ENPP2: variants seen among roughly 807,000 people sequenced by gnomAD.
The protein encoded by ENPP2 is autotaxin.
Under a neutral mutation model 120.2 loss-of-function variants are expected in ENPP2, and 51 were observed. The observed-to-expected ratio is 0.42, with a 90% CI of 0.34 to 0.54. The LOEUF (loss-of-function observed/expected upper bound fraction) is 0.54, where lower values mean the gene tolerates loss of function less well. ENPP2 is among the 20% of genes least tolerant of loss of function. The probability of loss-of-function intolerance (pLI) is 0.04; values close to 1 mark genes in which losing one functional copy is unlikely to be tolerated. For synonymous variants in ENPP2, 365 were observed against 366.4 expected, an observed-to-expected ratio of 1.00 and a Z score of 0.04; for missense variants, 920 against 1,066.5, an observed-to-expected ratio of 0.86 and a Z score of 1.91.
chr8:119,595,807 C>A (rs369250245), intron 11 of ENPP2: 6 of 1,607,708 alleles, frequency 3.7e-6, no homozygotes, highest in East Asian at 2.2e-5. Flanking sequence ...TCAACTCAGA[C>A]CTGCCCGCCA....
At position 119,591,631 on chromosome 8, in the gene ENPP2, T is replaced by C. The variant is rs184752909; in HGVS notation, c.1082-1001A>G. On this transcript the variant is annotated intron_variant, in intron 12 of 24. Transcript: ENST00000075322. Reference sequence around the variant, plus strand: ...TCCTGTAAAGGATGCCCAAAGGTTTTAAAATAAGGAAATACAACCCAGAGT... The same window carrying C: ...TCCTGTAAAGGATGCCCAAAGGTTTCAAAATAAGGAAATACAACCCAGAGT... Among the ~76,000 whole-genome samples, 581 of 152,224 alleles carry C rather than the reference T, an allele frequency of 3.8e-3. 1 individual carries two copies. The highest frequency in any genetic ancestry group is 0.014 in the African/African-American group (563 of 41,540).
chr8:119,635,278 C>A (rs995574932), intron 2 of ENPP2, among the ~76,000 whole-genome samples: 1 of 152,174 alleles, frequency 6.6e-6, no homozygotes, highest in Non-Finnish European at 1.5e-5. Context: ...ACATACTTTT[C>A]AACTTTCCTT....
intron 11 of ENPP2, among the ~76,000 whole-genome samples, chr8:119,598,498 T>C (rs1563715339): frequency 3.3e-5 from 5 of 152,218 alleles, no homozygotes. Flanking sequence ...GCATCCTGTA[T>C]GCCGCTTCAT....
intron 1 of ENPP2, among the ~76,000 whole-genome samples, chr8:119,647,804 A>G (rs1229541025): frequency 6.6e-6 from 1 of 152,140 alleles, no homozygotes; most frequent in Non-Finnish European, 1.5e-5. Flanking sequence ...CAGGAGATCG[A>G]TGCCGACCTG....
Position 119,631,173 on chromosome 8 carries a change from T to C in ENPP2, c.137-4453A>G, listed in dbSNP as rs368466787. 6.5e-3 allele frequency among the ~76,000 whole-genome samples: 868 copies of C among 134,152 alleles called. 8 individuals carry two copies. The highest frequency in any genetic ancestry group is 0.023 in the African/African-American group (826 of 35,510). The allele number at this position is 134,152 out of a possible 152,430, so 88.0% of individuals were successfully genotyped here. On this transcript the variant is annotated intron_variant, in intron 2 of 24. Transcript: ENST00000075322. ...CCTCCCAAAGTGCTGGGATTACAGG[T>C]GTGAGCCACTGCGCCCAGCCATGCT...
Position 119,626,799 on chromosome 8 carries a change from C to T in ENPP2, c.137-79G>A, listed in dbSNP as rs954124052. ...GGAAAGGTGGCACTGGGAAGCTGTGCGGTGTGATGCTGCAGTGGACTCTGG... is the reference window on the plus strand; with the variant it reads ...GGAAAGGTGGCACTGGGAAGCTGTGTGGTGTGATGCTGCAGTGGACTCTGG... On this transcript the variant is annotated intron_variant, in intron 2 of 24. Transcript: ENST00000075322. 64 of 1,299,304 alleles carry T rather than the reference C, an allele frequency of 4.9e-5. 1 individual carries two copies. The highest frequency in any genetic ancestry group is 5.0e-4 in the Middle Eastern group (2 of 4,012). 80.5% of individuals were successfully genotyped at this position (1,299,304 alleles called of 1,614,324 possible). A position where few individuals can be genotyped will look rare whatever the true frequency, so the allele number is the denominator to read the frequency against.
chr8:119,633,208 T>C (rs986028983), intron 2 of ENPP2, among the ~76,000 whole-genome samples: 1 of 152,206 alleles, frequency 6.6e-6, no homozygotes, highest in Non-Finnish European at 1.5e-5. Context: ...CATATTTCCC[T>C]CTAAATGTCC....
chr8:119,673,200 G>A, intron 1 of ENPP2: 1 of 1,440,858 alleles, frequency 6.9e-7, no homozygotes, highest in Non-Finnish European at 9.4e-7. Context: ...TGGCAGCTGT[G>A]ACCTGGGAGC....
chr8:119,644,485 G>A (rs1312621829), intron 1 of ENPP2, among the ~76,000 whole-genome samples: 3 of 150,172 alleles, frequency 2.0e-5, no homozygotes, highest in Middle Eastern at 3.2e-3. Flanking sequence ...GAAAGACATG[G>A]GGATAGGTAT....
intron 12 of ENPP2, chr8:119,593,016 C>G: frequency 2.1e-6 from 2 of 949,684 alleles, no homozygotes; most frequent in Non-Finnish European, 2.5e-6. Flanking sequence ...GCTACTGTTT[C>G]AATCTAATAG....
chr8:119,634,054 G>A (rs1316784150), intron 2 of ENPP2, among the ~76,000 whole-genome samples: 1 of 151,850 alleles, frequency 6.6e-6, no homozygotes, highest in African/African-American at 2.4e-5. Context: ...GCGGTGGTGG[G>A]CGCCTGTAAT....
chr8:119,604,244 T>C (rs1231055019), intron 9 of ENPP2, among the ~76,000 whole-genome samples: 1 of 152,052 alleles, frequency 6.6e-6, no homozygotes, highest in Non-Finnish European at 1.5e-5. Flanking sequence ...GCCAGGCTGG[T>C]TTTGAACTCC....
chr8:119,614,388 C>T (rs530370336), intron 8 of ENPP2, among the ~76,000 whole-genome samples: 27 of 152,136 alleles, frequency 1.8e-4, no homozygotes, highest in African/African-American at 6.5e-4. Context: ...CTTATGGTGG[C>T]CATCTTGCCC....
chr8:119,647,296 G>A (rs754876090), intron 1 of ENPP2, among the ~76,000 whole-genome samples: 5 of 151,908 alleles, frequency 3.3e-5, no homozygotes, highest in Admixed American at 1.3e-4. Context: ...CGCCCAGCCC[G>A]TCTGCAACCT....
Position 119,569,317 on chromosome 8 carries a change from G to A in ENPP2, c.1971C>T (p.Val657=). ...TCTGACTGAAACTCGGAGAAACACG[G>A]ACATCAGGCCGGACGCAACTGGTCA... ...DHLTSCVRPD[V]RVSPSFSQNC... is the part of the protein sequence containing the mutation. Residue 657 remains valine (V), a synonymous_variant, in exon 21 of 25, where the codon GTC becomes GTT. Transcript: ENST00000075322. The A allele has an allele frequency of 6.2e-7, 1 of 1,613,968 alleles. No homozygotes were observed.
chr8:119,652,017 A>G (rs1239219997), intron 1 of ENPP2, among the ~76,000 whole-genome samples: 3 of 152,342 alleles, frequency 2.0e-5, no homozygotes, highest in Non-Finnish European at 4.4e-5. Flanking sequence ...ATCTTAGTCC[A>G]TTCATGCTTC....
chr8:119,585,884 T>C (rs918833628), intron 15 of ENPP2, among the ~76,000 whole-genome samples: 19 of 150,350 alleles, frequency 1.3e-4, no homozygotes, highest in Admixed American at 1.1e-3. Context: ...CTTACTCAAG[T>C]AGTAAGAATA....
At chr8:119,623,380 G>A (rs1254470365) in intron 3 of ENPP2, among the ~76,000 whole-genome samples, 7 of 152,052 alleles carry the variant, frequency 4.6e-5, no homozygotes, top group African/African-American at 1.4e-4. Context: ...CAGGAGAATC[G>A]CTTGAACCCA....
intron 11 of ENPP2, 151 bp downstream of exon 11, chr8:119,600,527 A>T (rs536484819): frequency 7.2e-5 from 38 of 529,162 alleles, no homozygotes; most frequent in East Asian, 4.3e-4. Flanking sequence ...AAGATTTTTT[A>T]AAAAATTTTT....
Sources: allele counts gnomAD v4.1 joint callset (sites outside exome capture counted in the v4.1 genomes callset), GRCh38; gene constraint gnomAD v4.1.1; transcripts MANE v1.5; gene names NCBI Gene and HGNC (gene_info 2026-07-23, HGNC 2026-07-21).